OXR1: variants seen among roughly 807,000 people sequenced by gnomAD.
The protein encoded by OXR1 is oxidation resistance protein 1.
In OXR1, 41 loss-of-function variants were observed where a neutral mutation model predicts 104.6. The ratio of observed to expected loss-of-function variants is 0.39; its 90% confidence interval spans 0.31 to 0.51. The LOEUF (loss-of-function observed/expected upper bound fraction) is 0.51. Among genes scored for constraint, OXR1 ranks in the 20% least tolerant of loss-of-function variants. OXR1 has a pLI of 0.77. For synonymous variants in OXR1, 348 were observed against 348.4 expected (o/e 1.00, Z 0.01); for missense variants, 955 against 1,031.9 (o/e 0.93, Z 1.02).
At chr8:106,694,197 A>G (rs1466409404) in intron 7 of OXR1, among the ~76,000 whole-genome samples, 1 of 151,532 alleles carries the variant, frequency 6.6e-6, no homozygotes, top group African/African-American at 2.4e-5. Flanking sequence ...TAATGTGTGC[A>G]CTGTAAGAGA....
intron 3 of OXR1, among the ~76,000 whole-genome samples, chr8:106,642,676 A>C (rs1254024075): frequency 6.6e-6 from 1 of 152,222 alleles, no homozygotes; most frequent in Non-Finnish European, 1.5e-5. Flanking sequence ...ATGTGCCCAG[A>C]AAAAAGAAGA....
intron 7 of OXR1, chr8:106,698,092 C>A (rs2131332188): frequency 1.1e-6 from 1 of 896,854 alleles, no homozygotes; most frequent in Non-Finnish European, 1.8e-6. Flanking sequence ...ATGGCTGCAG[C>A]TGCCGAGCTT....
chr8:106,570,310 A>T (rs1218695139), intron 3 of OXR1, among the ~76,000 whole-genome samples: 1 of 152,172 alleles, frequency 6.6e-6, no homozygotes, highest in Non-Finnish European at 1.5e-5. Flanking sequence ...TGTATTGCAT[A>T]GTGCTCCGCT....
intron 3 of OXR1, among the ~76,000 whole-genome samples, chr8:106,561,654 T>C (rs1209994590): frequency 6.6e-6 from 1 of 152,070 alleles, no homozygotes; most frequent in South Asian, 2.1e-4. Flanking sequence ...CTCAAGTAGG[T>C]CCCTGACCCC....
intron 2 of OXR1, among the ~76,000 whole-genome samples, chr8:106,413,198 G>A (rs545306713): frequency 6.6e-6 from 1 of 151,962 alleles, no homozygotes; most frequent in Non-Finnish European, 1.5e-5. Context: ...AAGCTCTTCT[G>A]TGATATTTTT....
intron 1 of OXR1, among the ~76,000 whole-genome samples, chr8:106,310,120 A>G (rs947366035): frequency 2.6e-5 from 4 of 151,944 alleles, no homozygotes; most frequent in African/African-American, 9.7e-5. Context: ...TTAAATCAAT[A>G]TTAGTACTCA....
chr8:106,372,597 G>A (rs1435988114), intron 2 of OXR1, among the ~76,000 whole-genome samples: 3 of 152,012 alleles, frequency 2.0e-5, no homozygotes, highest in Non-Finnish European at 2.9e-5. Flanking sequence ...CTTATGTGAT[G>A]GGTCACAGTC....
chr8:106,288,450 G>T (rs1393301433), intron 1 of OXR1, among the ~76,000 whole-genome samples: 3 of 151,788 alleles, frequency 2.0e-5, no homozygotes, highest in Non-Finnish European at 4.4e-5. Flanking sequence ...TCATGAATGT[G>T]GTTCTGACCA....
At chr8:106,407,196 G>T (rs1478787367) in intron 2 of OXR1, among the ~76,000 whole-genome samples, 1 of 152,152 alleles carries the variant, frequency 6.6e-6, no homozygotes, top group African/African-American at 2.4e-5. Flanking sequence ...ATGTACATCT[G>T]TGACAGGCTA....
intron 3 of OXR1, among the ~76,000 whole-genome samples, chr8:106,580,511 G>C (rs934438222): frequency 6.6e-6 from 1 of 152,174 alleles, no homozygotes; most frequent in Non-Finnish European, 1.5e-5. Context: ...TGGCAATAGT[G>C]AATAGTGCTG....
intron 7 of OXR1, among the ~76,000 whole-genome samples, chr8:106,702,576 A>G (rs1830681821): frequency 6.6e-6 from 1 of 152,218 alleles, no homozygotes; most frequent in Non-Finnish European, 1.5e-5. Flanking sequence ...CACAGGAAGC[A>G]GTATGCAAAT....
intron 3 of OXR1, among the ~76,000 whole-genome samples, chr8:106,573,572 A>G (rs936993305): frequency 1.3e-5 from 2 of 152,246 alleles, no homozygotes; most frequent in African/African-American, 2.4e-5. Context: ...TGAAGAATCT[A>G]GACTAGATTG....
intron 1 of OXR1, among the ~76,000 whole-genome samples, chr8:106,307,550 G>T (rs780808089): frequency 6.6e-6 from 1 of 151,846 alleles, no homozygotes; most frequent in African/African-American, 2.4e-5. Context: ...TGGCCTAAGG[G>T]ATTTTTTTGT....
intron 2 of OXR1, among the ~76,000 whole-genome samples, chr8:106,405,178 ATATATATATATATATATATATATAGTGT>A (rs1563757953): frequency 1.1e-4 from 3 of 27,220 alleles, no homozygotes; most frequent in African/African-American, 2.5e-4. Context: ...ATATATATAT[ATATATATATATATATATATATATAGTGT>A]GTGTGTGTGT....
At chr8:106,700,205 G>A (rs1480673880) in intron 7 of OXR1, among the ~76,000 whole-genome samples, 2 of 152,126 alleles carry the variant, frequency 1.3e-5, no homozygotes. Flanking sequence ...AAAACGTCTT[G>A]CTCATAATAG....
At chr8:106,404,764 G>T (rs965712147) in intron 2 of OXR1, among the ~76,000 whole-genome samples, 31 of 151,870 alleles carry the variant, frequency 2.0e-4, no homozygotes, top group Non-Finnish European at 4.0e-4. Context: ...GGAGTGCAAT[G>T]GCACAATCTT....
intron 2 of OXR1, among the ~76,000 whole-genome samples, chr8:106,406,291 AG>A (rs1670595697): frequency 6.6e-6 from 1 of 152,154 alleles, no homozygotes; most frequent in East Asian, 1.9e-4. Flanking sequence ...ACTTAATAGA[AG>A]TTCACTTATT....
intron 4 of OXR1, among the ~76,000 whole-genome samples, chr8:106,681,426 A>G (rs192525612): frequency 6.6e-6 from 1 of 152,348 alleles, no homozygotes; most frequent in Non-Finnish European, 1.5e-5. Context: ...AAATATGTAT[A>G]TTATTGTTTT....
chr8:106,323,930 A>G (rs1353157747), intron 1 of OXR1, among the ~76,000 whole-genome samples: 5 of 152,192 alleles, frequency 3.3e-5, no homozygotes, highest in African/African-American at 1.2e-4. Context: ...AATTCGTTCA[A>G]CCATTGTGGA....
Sources: gnomAD v4.1 joint callset for allele counts (sites outside exome capture counted in the v4.1 genomes callset) on GRCh38, gnomAD v4.1.1 for gene constraint, MANE v1.5 for transcripts, NCBI Gene and HGNC (gene_info 2026-07-23, HGNC 2026-07-21) for gene names.